The following TMEM184C variants were observed in gnomAD, a reference collection of about 807,000 sequenced individuals.
TMEM184C encodes transmembrane protein 34.
A neutral mutation model predicts 54.5 loss-of-function variants in TMEM184C; 25 were observed. The observed-to-expected ratio is 0.46, with a 90% CI of 0.33 to 0.64. The LOEUF (loss-of-function observed/expected upper bound fraction) is 0.64. Among genes scored for constraint, TMEM184C ranks in the 30% least tolerant of loss-of-function variants. The pLI is 0.02. For missense variants in TMEM184C, 335 were observed against 520.3 expected, an observed-to-expected ratio of 0.64 and a Z score of 3.46; for synonymous variants, 148 against 181.5, an observed-to-expected ratio of 0.82 and a Z score of 1.49.
intron 5 of TMEM184C, among the ~76,000 whole-genome samples, chr4:147,629,266 A>G (rs1429983541): frequency 1.3e-5 from 2 of 152,080 alleles, no homozygotes; most frequent in Admixed American, 6.5e-5. Context: ...GCTTTCCCAA[A>G]ATTAGACAGC....
chr4:147,633,373 G>GA (rs1732952022), intron 8 of TMEM184C, among the ~76,000 whole-genome samples: 1 of 150,726 alleles, frequency 6.6e-6, no homozygotes, highest in Admixed American at 6.7e-5. Flanking sequence ...AACGTTGGGG[G>GA]ATCACTGGAC....
chr4:147,629,923 A>G (rs1228838483), intron 6 of TMEM184C, among the ~76,000 whole-genome samples: 2 of 151,648 alleles, frequency 1.3e-5, no homozygotes, highest in Non-Finnish European at 3.0e-5. Flanking sequence ...ATACCCTCAC[A>G]TGTTGACCAT....
chr4:147,619,828 C>CT (rs1732674021), intron 1 of TMEM184C, among the ~76,000 whole-genome samples: 1 of 152,176 alleles, frequency 6.6e-6, no homozygotes, highest in Non-Finnish European at 1.5e-5. Context: ...TGCTTGGACT[C>CT]TTCTCAACAC....
At position 147,629,605 on chromosome 4, in the gene TMEM184C, T is replaced by C. The variant is rs561332438; in HGVS notation, c.579T>C (p.Cys193=). The C allele has an allele frequency of 6.3e-7, 1 of 1,586,100 alleles. No homozygotes were observed. Among genetic ancestry groups the C allele is most frequent in the South Asian group, 1.2e-5 (1 of 85,748 alleles). Reference sequence around the variant, plus strand: ...TCATTTTTACTATTTTTAGAATCTGTGAGCTGCTTGGTATATATGACGAAG... The same window carrying C: ...TCATTTTTACTATTTTTAGAATCTGCGAGCTGCTTGGTATATATGACGAAG... ...RPFTTIVALI[C]ELLGIYDEGN... The change falls in exon 6 of 10, where the codon TGT becomes TGC. Residue 193 remains cysteine (C), a synonymous_variant. Transcript: ENST00000296582.
Position 147,634,646 on chromosome 4 carries a change from T to A in TMEM184C, c.*212T>A. ...TAGACTTAGACTTGATTTCTTAACATTAGGGTATCGCATACTCAAATGGTA... is the reference window on the plus strand; with the variant it reads ...TAGACTTAGACTTGATTTCTTAACAATAGGGTATCGCATACTCAAATGGTA... On this transcript the variant is annotated 3_prime_UTR_variant, in exon 10 of 10. Transcript: ENST00000296582. 1 of 546,906 alleles carries A rather than the reference T, an allele frequency of 1.8e-6. No homozygotes were observed. Among genetic ancestry groups the A allele is most frequent in the Non-Finnish European group, 3.2e-6 (1 of 315,006 alleles). 33.9% of individuals were successfully genotyped at this position (546,906 alleles called of 1,614,324 possible). A position where few individuals can be genotyped will look rare whatever the true frequency, so the allele number is the denominator to read the frequency against.
chr4:147,622,116 TA>T (rs2126547715), intron 1 of TMEM184C, among the ~76,000 whole-genome samples: 1 of 151,948 alleles, frequency 6.6e-6, no homozygotes, highest in Admixed American at 6.6e-5. Context: ...TAATTTTTTG[TA>T]TTTTTTGTAG....
Position 147,632,306 on chromosome 4 carries a change from A to T in TMEM184C, c.780-597A>T, listed in dbSNP as rs1732932432. Among the ~76,000 whole-genome samples, 7 of 152,254 alleles carry T rather than the reference A, an allele frequency of 4.6e-5. No homozygotes were observed. In the South Asian group the frequency reaches 1.5e-3, roughly 32 times the overall value. On this transcript the variant is annotated intron_variant, in intron 7 of 9. Transcript: ENST00000296582. ...ATCCCTGAAATCCCACCACCCAGAA[A>T]AGAATGATTAACATCTTGGTAAACC...
In TMEM184C at chr4:147,632,935, T is replaced by C. The variant is rs1254490390; in HGVS notation, c.812T>C (p.Val271Ala). 2 of 1,614,030 alleles carry C rather than the reference T, an allele frequency of 1.2e-6. No homozygotes were observed. Among genetic ancestry groups the C allele is most frequent in the African/African-American group, 1.3e-5 (1 of 75,028 alleles). Residue 271 changes from valine (V) to alanine (A), a missense_variant, in exon 8 of 10, where the codon GTT becomes GCT. By Grantham distance (64) the Val-to-Ala change is moderately conservative. Transcript: ENST00000296582. ...QAVVIALLVKVGVISEKHTWE... is the reference protein window; with the variant it reads ...QAVVIALLVKAGVISEKHTWE... ...GTAGTTATTGCTTTGTTGGTAAAAG[T>C]TGGCGTTATTTCTGAAAAGCATACG...
Position 147,634,216 on chromosome 4 carries a change from C to A in TMEM184C, c.1099C>A (p.Gln367Lys). The A allele has an allele frequency of 6.2e-7, 1 of 1,614,088 alleles. No homozygotes were observed. The highest frequency in any genetic ancestry group is 1.7e-4 in the Middle Eastern group (1 of 6,052). Residue 367 changes from glutamine (Q) to lysine (K), a missense_variant, in exon 10 of 10, where the codon CAA (glutamine) becomes AAA (lysine). Physicochemically the swap from Gln to Lys is moderately conservative, Grantham distance 53. Coordinates refer to ENST00000296582, the MANE Select transcript of TMEM184C (RefSeq NM_018241.3). ...CAGGAAAAAATTGTTTCCCGAGGAT[C>A]AAGATCAAAATGAACATACAAGTTT... ...HPRKKLFPED[Q>K]DQNEHTSLLS...
Position 147,623,989 on chromosome 4 carries a change from A to G in TMEM184C, c.254+25A>G, listed in dbSNP as rs1301720313. ...GGTATGTCTTAATAATTTTGATTCC[A>G]CTACTGTTGTGTTGGCTTATTTCAT... On this transcript the variant is annotated intron_variant, in intron 2 of 9. Transcript: ENST00000296582. 5 of 1,613,072 alleles carry G rather than the reference A, an allele frequency of 3.1e-6. No individual in the cohort carries two copies. The African/African-American group carries it at 6.7e-5, about 22-fold the overall frequency.
chr4:147,627,637 G>C (rs930113708), intron 4 of TMEM184C, among the ~76,000 whole-genome samples: 1 of 152,168 alleles, frequency 6.6e-6, no homozygotes, highest in Non-Finnish European at 1.5e-5. Flanking sequence ...AAATAGCTGG[G>C]TGTGGGGGCA....
Position 147,624,831 on chromosome 4 carries a change from G to T in TMEM184C, c.319G>T (p.Ala107Ser). Residue 107 changes from alanine to serine, a missense_variant, in exon 4 of 10, where the codon GCA becomes TCA. Ala to Ser is a moderately conservative substitution (Grantham distance 99, BLOSUM62 1). Coordinates refer to ENST00000296582, the MANE Select transcript of TMEM184C (RefSeq NM_018241.3). ...SWIALKYPGI[A>S]IYVDTCRECY... Reference sequence around the variant, plus strand: ...GATAGCTTTGAAATATCCCGGAATTGCAATATATGTGGATACCTGCAGAGA... The same window carrying T: ...GATAGCTTTGAAATATCCCGGAATTTCAATATATGTGGATACCTGCAGAGA... 6.2e-7 allele frequency: 1 copy of T among 1,613,684 alleles called. No individual in the cohort carries two copies. The highest frequency in any genetic ancestry group is 8.5e-7 in the Non-Finnish European group (1 of 1,179,736).
At chr4:147,634,087 G>A in intron 9 of TMEM184C, 82 bp from the exon 10 acceptor site, 1 of 1,535,976 alleles carries the variant, frequency 6.5e-7, no homozygotes, top group Non-Finnish European at 8.8e-7. Flanking sequence ...TGGGAGAGGG[G>A]GAAGTGGGGA....
Position 147,617,647 on chromosome 4 carries a change from G to A in TMEM184C, c.-310G>A. The A allele has an allele frequency of 2.9e-6, 1 of 350,002 alleles. No individual in the cohort carries two copies. Among genetic ancestry groups the A allele is most frequent in the South Asian group, 2.5e-5 (1 of 40,696 alleles). The allele number at this position is 350,002 out of a possible 1,614,324, so 21.7% of individuals were successfully genotyped here. A position where few individuals can be genotyped will look rare whatever the true frequency, so the allele number is the denominator to read the frequency against. ...CCATGGTACAGGCAGAGCTCAGGGC[G>A]ATCCCCAGGTGAGGGCAGCGGCTCT... On this transcript the variant is annotated 5_prime_UTR_variant, in exon 1 of 10. Coordinates refer to ENST00000296582, the MANE Select transcript of TMEM184C (RefSeq NM_018241.3).
At chr4:147,625,144 G>A in intron 4 of TMEM184C, 135 bp downstream of exon 4, 1 of 777,898 alleles carries the variant, frequency 1.3e-6, no homozygotes, top group Non-Finnish European at 2.1e-6. Flanking sequence ...AGCTCCTGAT[G>A]CAGTTCATAG....
chr4:147,621,327 G>A, intron 1 of TMEM184C, among the ~76,000 whole-genome samples: 1 of 152,082 alleles, frequency 6.6e-6, no homozygotes, highest in East Asian at 1.9e-4. Flanking sequence ...ATTCTTGGAT[G>A]CTTGTCTTTA....
At chr4:147,633,691 G>T in intron 8 of TMEM184C, 74 bp from the exon 9 acceptor site, 2 of 1,261,068 alleles carry the variant, frequency 1.6e-6, no homozygotes, top group Non-Finnish European at 1.0e-6. Flanking sequence ...TGAAAAGCAA[G>T]TAGAGAAAGA....
At position 147,617,894 on chromosome 4, in the gene TMEM184C, C is replaced by G; in HGVS notation, c.-63C>G. 4 of 1,605,752 alleles carry G rather than the reference C, an allele frequency of 2.5e-6. No individual in the cohort carries two copies. In the Middle Eastern group the frequency reaches 8.3e-4, roughly 334 times the overall value. ...TTGACAAAACAGCCAGAGAACAGGG[C>G]TCCCCATTACAATCTTTTCGAGATC... On this transcript the variant is annotated 5_prime_UTR_variant, in exon 1 of 10. Coordinates refer to ENST00000296582, the MANE Select transcript of TMEM184C (RefSeq NM_018241.3).
intron 1 of TMEM184C, among the ~76,000 whole-genome samples, chr4:147,618,330 A>G (rs1732638763): frequency 6.6e-6 from 1 of 152,212 alleles, no homozygotes; most frequent in Admixed American, 6.5e-5. Context: ...CTGTTTTGCA[A>G]GTATTCATCA....
Sources: gnomAD v4.1 joint callset for allele counts (sites outside exome capture counted in the v4.1 genomes callset) on GRCh38, gnomAD v4.1.1 for gene constraint, MANE v1.5 for transcripts, NCBI Gene and HGNC (gene_info 2026-07-23, HGNC 2026-07-21) for gene names.